LIPE: variants seen among roughly 807,000 people sequenced by gnomAD.
The protein encoded by LIPE is lipase E, hormone sensitive type.
Under a neutral mutation model 88.5 loss-of-function variants are expected in LIPE, and 66 were observed. The observed-to-expected ratio is 0.75, with a 90% CI of 0.61 to 0.91. LIPE has a LOEUF of 0.91. Ranked by LOEUF, LIPE falls within the 40% of genes least tolerant of loss-of-function variation. The pLI, the probability that LIPE is intolerant of heterozygous loss-of-function variation, is 0.00. For synonymous variants in LIPE, 570 were observed against 617.5 expected, an observed-to-expected ratio of 0.92 and a Z score of 1.14; for missense variants, 1,346 against 1,434.7, an observed-to-expected ratio of 0.94 and a Z score of 1.00.
rs2040326492 is a variant in LIPE, at chr19:42,410,114, G to A, written c.1419+193C>T. ...GCATTTCTTACCACCTAGCAGATAT[G>A]ACCTAGGGACCATGAGTTTGAGACC... On this transcript the variant is annotated intron_variant, in intron 2 of 9. Transcript: ENST00000244289. This position sits in a 1 kb window ranked among gnomAD's most constrained non-coding sequence, Gnocchi z 6.1. Among the ~76,000 whole-genome samples the A allele has an allele frequency of 6.6e-6, 1 of 152,214 alleles. No individual in the cohort carries two copies. The highest frequency in any genetic ancestry group is 2.4e-5 in the African/African-American group (1 of 41,446).
At chr19:42,403,370 G>C (rs940575266) in intron 8 of LIPE, among the ~76,000 whole-genome samples, 1 of 150,678 alleles carries the variant, frequency 6.6e-6, no homozygotes, top group African/African-American at 2.4e-5. Context: ...ATAGTCCTTG[G>C]TTCATAGGTG....
chr19:42,405,295 A>T, intron 8 of LIPE, 90 bp downstream of exon 8: 1 of 1,374,290 alleles, frequency 7.3e-7, no homozygotes, highest in Non-Finnish European at 9.9e-7. Flanking sequence ...CTGAACCACC[A>T]TGCCCAGCAT....
rs1334881346 is a variant in LIPE, at chr19:42,402,989, G to T, written c.2585C>A (p.Pro862His). ...GGAATCCGTGCCCAGTGGGCCCTGG[G>T]GCTGGGCCAGTGCTGCTTCAGACAC... ...RSVSEAALAQ[P>H]QGPLGTDSLK... The change falls in exon 9 of 10, where the codon CCC becomes CAC. Residue 862 changes from proline (P) to histidine (H), a missense_variant. Physicochemically the swap from Pro to His is moderately conservative, Grantham distance 77. Coordinates refer to ENST00000244289, the MANE Select transcript of LIPE (RefSeq NM_005357.4). 7 of 1,599,806 alleles carry T rather than the reference G, an allele frequency of 4.4e-6. No individual in the cohort carries two copies. The highest frequency in any genetic ancestry group is 5.1e-6 in the Non-Finnish European group (6 of 1,176,584).
rs2040348429 is a variant in LIPE, at chr19:42,410,669, C to T, written c.1057G>A (p.Gly353Ser). The change falls in exon 2 of 10, where the codon GGC becomes AGC. Residue 353 changes from glycine (G) to serine (S), a missense_variant. By Grantham distance (56) the Gly-to-Ser change is moderately conservative (BLOSUM62 0). Transcript: ENST00000244289. This position sits in a 1 kb window ranked among gnomAD's most constrained non-coding sequence, Gnocchi z 6.1. ...EQALGLEPAL[G>S]RLLGVAHLFD... is the part of the protein sequence containing the mutation. ...AGGTGCGCCACACCCAGCAGGCGGC[C>T]CAGGGCCGGCTCCAGCCCCAGCGCC... 6.2e-7 allele frequency: 1 copy of T among 1,612,114 alleles called. No homozygotes were observed. The highest frequency in any genetic ancestry group is 1.3e-5 in the African/African-American group (1 of 75,018).
chr19:42,407,892 C>T lies in LIPE; in HGVS notation c.1656+84G>A, dbSNP rs2040240104. ...CAGTCTTTCCCCTTGTGTGCCATCC[C>T]TGGGCCTGGAGCCCCACAGAGACCT... is the stretch of plus-strand genomic sequence containing the variant. On this transcript the variant is annotated intron_variant, in intron 4 of 9. Coordinates refer to ENST00000244289, the MANE Select transcript of LIPE (RefSeq NM_005357.4). The surrounding 1 kb of genome is among the most constrained non-coding windows in gnomAD (Gnocchi z 5.8). The T allele has an allele frequency of 6.4e-7, 1 of 1,566,404 alleles. No individual in the cohort carries two copies. Among genetic ancestry groups the T allele is most frequent in the South Asian group, 1.2e-5 (1 of 86,486 alleles).
At chr19:42,417,825 C>T (rs1018209768) in intron 1 of LIPE, among the ~76,000 whole-genome samples, 4 of 152,030 alleles carry the variant, frequency 2.6e-5, no homozygotes, top group African/African-American at 9.7e-5. Context: ...TGAGATCAAC[C>T]TGGGTAACAT....
Position 42,426,934 on chromosome 19 carries a change from C to T in LIPE, c.216G>A (p.Gln72=), listed in dbSNP as rs1012481389. 2 of 1,614,024 alleles carry T rather than the reference C, an allele frequency of 1.2e-6. No homozygotes were observed. The highest frequency in any genetic ancestry group is 1.7e-6 in the Non-Finnish European group (2 of 1,180,018). ...ATTTTTGTTGGGCTCTAGGTTCCTT[C>T]TGGGATTCAGCATCATGTTGTGCAG... is the stretch of plus-strand genomic sequence containing the variant. ...ETPAQHDAES[Q]KEPRAQQKSA... Residue 72 remains glutamine (Q), a synonymous_variant, in exon 1 of 10, where the codon CAG becomes CAA. Coordinates refer to ENST00000244289, the MANE Select transcript of LIPE (RefSeq NM_005357.4).
chr19:42,419,694 A>C (rs1443442078), intron 1 of LIPE, among the ~76,000 whole-genome samples: 1 of 19,264 alleles, frequency 5.2e-5, no homozygotes. Flanking sequence ...TGGGGAAGGA[A>C]GTGGGGTGGG....
chr19:42,402,776 C>G lies in LIPE; in HGVS notation c.2798G>C (p.Arg933Thr). 1 of 1,600,918 alleles carries G rather than the reference C, an allele frequency of 6.2e-7. No homozygotes were observed. Among genetic ancestry groups the G allele is most frequent in the Non-Finnish European group, 8.5e-7 (1 of 1,170,054 alleles). ...GAAGGCGGCACGGACGCCCAGGCCT[C>G]TGTCCATGGGGCTCAGCTCATTTTT... The part of the protein sequence containing the change: ...EAKNELSPMD[R>T]GLGVRAAFPE... Residue 933 changes from arginine to threonine, a missense_variant, in exon 9 of 10, where the codon AGA (arginine) becomes ACA (threonine). By Grantham distance (71) the Arg-to-Thr change is moderately conservative. Coordinates refer to ENST00000244289, the MANE Select transcript of LIPE (RefSeq NM_005357.4).
intron 1 of LIPE, chr19:42,424,101 G>T (rs1205864993): frequency 1.7e-6 from 2 of 1,189,736 alleles, no homozygotes; most frequent in Non-Finnish European, 2.1e-6. Context: ...GGAGGAGGGA[G>T]CCCCGCTTTC....
rs1257957019 is a variant in LIPE at position 42,410,996 on chromosome 19, C to A, written c.884-154G>T. ...GGGCCCAGGACCCCAGGTTCCTCCT[C>A]CCTTAGACATAAGAGGTCACCCTCT... is the stretch of plus-strand genomic sequence containing the variant. On this transcript the variant is annotated intron_variant, in intron 1 of 9. Coordinates refer to ENST00000244289, the MANE Select transcript of LIPE (RefSeq NM_005357.4). The surrounding 1 kb of genome is among the most constrained non-coding windows in gnomAD (Gnocchi z 6.1). Among the ~76,000 whole-genome samples the A allele has an allele frequency of 6.6e-6, 1 of 152,184 alleles. No homozygotes were observed. The highest frequency in any genetic ancestry group is 1.5e-5 in the Non-Finnish European group (1 of 68,028).
chr19:42,411,647 C>T (rs2040377957), intron 1 of LIPE, among the ~76,000 whole-genome samples: 1 of 152,188 alleles, frequency 6.6e-6, no homozygotes, highest in Admixed American at 6.5e-5. Context: ...GTGGAACCCC[C>T]TCCAAATCCC....
In LIPE at chr19:42,402,687, G is replaced by T. The variant is rs371743888; in HGVS notation, c.2887C>A (p.Pro963Thr). 6.6e-6 allele frequency: 10 copies of T among 1,517,478 alleles called. No homozygotes were observed. The highest frequency in any genetic ancestry group is 1.3e-5 in the South Asian group (1 of 76,324). The allele number at this position is 1,517,478 out of a possible 1,614,324, so 94.0% of individuals were successfully genotyped here. A position where few individuals can be genotyped will look rare whatever the true frequency, so the allele number is the denominator to read the frequency against. The change falls in exon 9 of 10, where the codon CCC becomes ACC. Residue 963 changes from proline to threonine, a missense_variant. By Grantham distance (38) the Pro-to-Thr change is conservative (BLOSUM62 -1). Transcript: ENST00000244289. ...GACATGAAGGGGTTCTTGACTATGG[G>T]TGAGGAGTAGAGGGGCATCTGTGTG... Reference protein sequence around the residue: ...GATQMPLYSSPIVKNPFMSPL... With the variant: ...GATQMPLYSSTIVKNPFMSPL...
At chr19:42,416,568 C>A (rs955876419) in intron 1 of LIPE, among the ~76,000 whole-genome samples, 1 of 152,198 alleles carries the variant, frequency 6.6e-6, no homozygotes, top group African/African-American at 2.4e-5. Flanking sequence ...GGCTGACCCC[C>A]TTGTTAGGGG....
chr19:42,401,902 G>A lies in LIPE; in HGVS notation c.3141C>T (p.Ile1047=). The change falls in exon 10 of 10, where the codon ATC becomes ATT. Residue 1047 remains isoleucine, a synonymous_variant. Transcript: ENST00000244289. ...RQAAELCVER[I]RLVLTPPAGA... ...CGGCGGGAGGAGTGAGGACGAGGCG[G>A]ATGCGCTCCACGCACAGCTCTGCGG... The A allele has an allele frequency of 1.9e-6, 3 of 1,548,182 alleles. No homozygotes were observed. Among genetic ancestry groups the A allele is most frequent in the South Asian group, 1.2e-5 (1 of 84,096 alleles).
In LIPE at chr19:42,427,078, C is replaced by T. The variant is rs142882511; in HGVS notation, c.72G>A (p.Pro24=). ...GTGTCTTTTCTGGCCCAGGCTCTAG[C>T]GGGGTTATAGGCCTCTGGTGTGGTT... ...QPEPHQRPIT[P]LEPGPEKTPI... The change falls in exon 1 of 10, where the codon CCG becomes CCA. Residue 24 remains proline (P), a synonymous_variant. Coordinates refer to ENST00000244289, the MANE Select transcript of LIPE (RefSeq NM_005357.4). 25 of 1,614,012 alleles carry T rather than the reference C, an allele frequency of 1.5e-5. No homozygotes were observed. The highest frequency in any genetic ancestry group is 5.3e-5 in the African/African-American group (4 of 74,914).
intron 8 of LIPE, among the ~76,000 whole-genome samples, chr19:42,404,862 G>A (rs373826136): frequency 5.7e-4 from 87 of 152,144 alleles, no homozygotes; most frequent in Admixed American, 1.5e-3. Context: ...CCCAGTAAGC[G>A]TACTCTTTTT....
chr19:42,423,391 G>A, intron 1 of LIPE: 1 of 1,287,814 alleles, frequency 7.8e-7, no homozygotes, highest in Non-Finnish European at 1.0e-6. Flanking sequence ...GGTTCCTTCC[G>A]GGCTGCTGCC....
chr19:42,426,286 G>A lies in LIPE; in HGVS notation c.864C>T (p.His288=). 6 of 1,602,442 alleles carry A rather than the reference G, an allele frequency of 3.7e-6. No individual in the cohort carries two copies. Among genetic ancestry groups the A allele is most frequent in the Non-Finnish European group, 5.1e-6 (6 of 1,170,162 alleles). ...ACTCACCTGTATCCTGGTAGTGTCT[G>A]TGATTCCGAGCACTGGTTTTCTCAT... is the stretch of plus-strand genomic sequence containing the variant. ...SPHEKTSARN[H]RHYQDTASRL... Residue 288 remains histidine, a synonymous_variant, in exon 1 of 10, where the codon CAC becomes CAT. Coordinates refer to ENST00000244289, the MANE Select transcript of LIPE (RefSeq NM_005357.4).
Sources: allele counts gnomAD v4.1 joint callset (sites outside exome capture counted in the v4.1 genomes callset), GRCh38; gene constraint gnomAD v4.1.1; non-coding constraint Gnocchi (gnomAD v3.1); transcripts MANE v1.5; gene names NCBI Gene and HGNC (gene_info 2026-07-23, HGNC 2026-07-21).